The following CDH10 variants were observed in gnomAD, a reference collection of about 807,000 sequenced individuals.
The protein encoded by CDH10 is cadherin 10, also known as cadherin-10.
Under a neutral mutation model 73.1 loss-of-function variants are expected in CDH10, and 30 were observed. The observed-to-expected ratio is 0.41, with a 90% CI of 0.31 to 0.56. The LOEUF is 0.56. CDH10 is among the 20% of genes least tolerant of loss of function. CDH10 has a pLI of 0.27. For synonymous variants in CDH10, 345 were observed against 348.2 expected, an observed-to-expected ratio of 0.99 and a Z score of 0.10; for missense variants, 815 against 973.7, an observed-to-expected ratio of 0.84 and a Z score of 2.17.
At chr5:24,505,035 A>C in intron 8 of CDH10, 77 bp downstream of exon 8, 1 of 1,018,958 alleles carries the variant, frequency 9.8e-7, no homozygotes, top group Non-Finnish European at 1.4e-6. Context: ...TAAAACCTAT[A>C]AAATATGTTA....
chr5:24,626,906 A>G (rs1247518028), intron 1 of CDH10, among the ~76,000 whole-genome samples: 3 of 148,986 alleles, frequency 2.0e-5, no homozygotes, highest in African/African-American at 7.4e-5. Context: ...ATGTGTATAT[A>G]TAAGTGTATA....
At chr5:24,518,182 C>T (rs1458259180) in intron 5 of CDH10, among the ~76,000 whole-genome samples, 1 of 152,142 alleles carries the variant, frequency 6.6e-6, no homozygotes, top group African/African-American at 2.4e-5. Context: ...TTTCCACATA[C>T]CTTTTTCTCT....
At chr5:24,640,848 TAA>T (rs935329447) in intron 1 of CDH10, among the ~76,000 whole-genome samples, 17 of 151,884 alleles carry the variant, frequency 1.1e-4, no homozygotes, top group African/African-American at 4.1e-4. Flanking sequence ...AGAAATCAGA[TAA>T]AAATATAAAG....
At chr5:24,504,105 C>A (rs1742594404) in intron 8 of CDH10, among the ~76,000 whole-genome samples, 1 of 151,864 alleles carries the variant, frequency 6.6e-6, no homozygotes, top group Non-Finnish European at 1.5e-5. Context: ...GCAAAATATG[C>A]CATTTTGGCA....
chr5:24,558,586 G>A (rs1055685762), intron 2 of CDH10, among the ~76,000 whole-genome samples: 1 of 151,620 alleles, frequency 6.6e-6, no homozygotes, highest in Non-Finnish European at 1.5e-5. Flanking sequence ...TCCAAAGGAT[G>A]TAAGTATATA....
intron 9 of CDH10, among the ~76,000 whole-genome samples, chr5:24,495,774 C>A (rs1742257712): frequency 6.6e-6 from 1 of 151,566 alleles, no homozygotes; most frequent in Non-Finnish European, 1.5e-5. Context: ...TTGAACCGAA[C>A]CCAGGAGGCG....
Position 24,537,709 on chromosome 5 carries a change from T to C in CDH10, c.232-35A>G, listed in dbSNP as rs752185910. 43 of 1,331,824 alleles carry C rather than the reference T, an allele frequency of 3.2e-5. 1 individual carries two copies. The highest frequency in any genetic ancestry group is 4.4e-5 in the Non-Finnish European group (42 of 958,782). The allele number at this position is 1,331,824 out of a possible 1,614,324, so 82.5% of individuals were successfully genotyped here. A position where few individuals can be genotyped will look rare whatever the true frequency, so the allele number is the denominator to read the frequency against. On this transcript the variant is annotated intron_variant, in intron 2 of 11. Coordinates refer to ENST00000264463, the MANE Select transcript of CDH10 (RefSeq NM_006727.5). ...ATAAAAAAGAGTATATCCATGATCA[T>C]GTATAAAGGTGCAGGATGCTGAAAG...
chr5:24,586,240 TA>T (rs1047303037), intron 2 of CDH10, among the ~76,000 whole-genome samples: 1 of 152,134 alleles, frequency 6.6e-6, no homozygotes, highest in Non-Finnish European at 1.5e-5. Context: ...ATGCATAGTA[TA>T]TTTTTAAACA....
At chr5:24,592,305 CAAG>C (rs1318657736) in intron 2 of CDH10, among the ~76,000 whole-genome samples, 1 of 151,718 alleles carries the variant, frequency 6.6e-6, no homozygotes, top group East Asian at 1.9e-4. Context: ...AAGGTTAATG[CAAG>C]AATTGTCAAG....
Position 24,597,649 on chromosome 5 carries a change from A to G in CDH10, c.-123-4036T>C, listed in dbSNP as rs556377741. Among the ~76,000 whole-genome samples, 42 of 152,104 alleles carry G rather than the reference A, an allele frequency of 2.8e-4. 1 individual carries two copies. Among genetic ancestry groups the G allele is most frequent in the African/African-American group, 1.0e-3 (42 of 41,532 alleles). On this transcript the variant is annotated intron_variant, in intron 1 of 11. Transcript: ENST00000264463. The stretch of plus-strand genomic sequence containing the variant: ...ATGTTCATTTTAAAGCATTTGTCTC[A>G]CTGGGTCTCATTTCATTTTTACAAT...
At chr5:24,561,484 C>T (rs1189388172) in intron 2 of CDH10, among the ~76,000 whole-genome samples, 3 of 152,014 alleles carry the variant, frequency 2.0e-5, no homozygotes, top group Non-Finnish European at 4.4e-5. Context: ...GGGTAATTTG[C>T]CTGGCAATTA....
At chr5:24,595,676 TGTAA>T (rs1259827654) in intron 1 of CDH10, among the ~76,000 whole-genome samples, 23 of 152,084 alleles carry the variant, frequency 1.5e-4, no homozygotes, top group African/African-American at 5.5e-4. Flanking sequence ...GGAGAGTTTG[TGTAA>T]GTGAGGGTTT....
chr5:24,528,240 CAG>C (rs1743602325), intron 5 of CDH10, among the ~76,000 whole-genome samples: 1 of 151,696 alleles, frequency 6.6e-6, no homozygotes. Flanking sequence ...GATAATAAAA[CAG>C]GGAAAAAGAG....
In CDH10 at chr5:24,577,956, T is replaced by C. The variant is rs977031813; in HGVS notation, c.231+15304A>G. ...GCCAATTCCATATGCTAACCCATAC[T>C]GTCACCATTCTTCAGCATTGAAGAG... On this transcript the variant is annotated intron_variant, in intron 2 of 11. Coordinates refer to ENST00000264463, the MANE Select transcript of CDH10 (RefSeq NM_006727.5). Among the ~76,000 whole-genome samples, 7 of 152,176 alleles carry C rather than the reference T, an allele frequency of 4.6e-5. 1 individual carries two copies. The highest frequency in any genetic ancestry group is 1.7e-4 in the African/African-American group (7 of 41,442).
chr5:24,631,244 T>C (rs1747695570), intron 1 of CDH10, among the ~76,000 whole-genome samples: 1 of 152,112 alleles, frequency 6.6e-6, no homozygotes, highest in Non-Finnish European at 1.5e-5. Flanking sequence ...ATATCCTGTA[T>C]GTTACTTTTC....
intron 1 of CDH10, among the ~76,000 whole-genome samples, chr5:24,596,789 T>C (rs60081074): frequency 0.027 from 4,169 of 152,080 alleles, 169 homozygotes; most frequent in African/African-American, 0.093. Context: ...TAAAAAGTGG[T>C]ATATACAGAT....
chr5:24,590,813 T>C (rs555372337), intron 2 of CDH10, among the ~76,000 whole-genome samples: 5 of 152,174 alleles, frequency 3.3e-5, no homozygotes, highest in Admixed American at 2.0e-4. Flanking sequence ...TCCCAAAATA[T>C]TCCCCACTAC....
chr5:24,583,654 T>A (rs1242302448), intron 2 of CDH10, among the ~76,000 whole-genome samples: 1 of 152,186 alleles, frequency 6.6e-6, no homozygotes, highest in Non-Finnish European at 1.5e-5. Flanking sequence ...TTTTGTTTGT[T>A]TGTTTTTTTG....
At chr5:24,495,718 G>A (rs187215890) in intron 9 of CDH10, among the ~76,000 whole-genome samples, 24 of 152,024 alleles carry the variant, frequency 1.6e-4, no homozygotes, top group Admixed American at 7.9e-4. Context: ...GTGGTGGTGC[G>A]CACCTGCAGT....
Sources: gnomAD v4.1 joint callset for allele counts (sites outside exome capture counted in the v4.1 genomes callset) on GRCh38, gnomAD v4.1.1 for gene constraint, MANE v1.5 for transcripts, NCBI Gene and HGNC (gene_info 2026-07-23, HGNC 2026-07-21) for gene names.